The following MIA2 variants were observed in gnomAD, a reference collection of about 807,000 sequenced individuals.
MIA2 encodes melanoma inhibitory activity protein 2.
In MIA2, 127 loss-of-function variants were observed where a neutral mutation model predicts 167.8. The observed-to-expected ratio is 0.76, with a 90% confidence interval of 0.66 to 0.88. MIA2 has a LOEUF of 0.88. Ranked by LOEUF, MIA2 falls within the 40% of genes least tolerant of loss-of-function variation. MIA2 has a pLI of 0.00. For synonymous variants in MIA2, 552 were observed against 541.9 expected (o/e 1.02, Z -0.26); for missense variants, 1,690 against 1,624.7 (o/e 1.04, Z -0.69).
chr14:39,247,780 T>G lies in MIA2; in HGVS notation c.1206T>G (p.Asn402Lys). 1 of 1,613,354 alleles carries G rather than the reference T, an allele frequency of 6.2e-7. No homozygotes were observed. Residue 402 changes from asparagine (N) to lysine (K), a missense_variant, in exon 4 of 29, where the codon AAT (asparagine) becomes AAG (lysine). Asn to Lys is a moderately conservative substitution (Grantham distance 94, BLOSUM62 0). Coordinates refer to ENST00000640607, the MANE Select transcript of MIA2 (RefSeq NM_001329214.4). ...EDKIMLDDRK[N>K]EEDGGADEHE... ...AAATTATGTTAGATGACAGGAAAAA[T>G]GAAGAAGATGGTGGGGCAGATGAAC...
chr14:39,343,878 T>TTGA (rs1263755666), intron 25 of MIA2, among the ~76,000 whole-genome samples: 1 of 152,200 alleles, frequency 6.6e-6, no homozygotes, highest in East Asian at 1.9e-4. Flanking sequence ...CAGAATACCC[T>TTGA]TGATTACTTG....
intron 25 of MIA2, among the ~76,000 whole-genome samples, chr14:39,331,875 G>GT (rs2068965277): frequency 6.6e-6 from 1 of 152,134 alleles, no homozygotes; most frequent in African/African-American, 2.4e-5. Flanking sequence ...CTCTCTGGCT[G>GT]CCCTTAACGT....
intron 9 of MIA2, among the ~76,000 whole-genome samples, chr14:39,281,977 A>T (rs2059017189): frequency 6.6e-6 from 1 of 152,100 alleles, no homozygotes; most frequent in South Asian, 2.1e-4. Context: ...TTTTCAGAAT[A>T]TATGCTGCCG....
chr14:39,312,898 TG>T (rs1268944511), intron 18 of MIA2, among the ~76,000 whole-genome samples: 1 of 152,008 alleles, frequency 6.6e-6, no homozygotes, highest in Non-Finnish European at 1.5e-5. Context: ...TGTGTGTGTG[TG>T]TGTGTGTGCG....
chr14:39,266,468 G>A, intron 6 of MIA2: 2 of 985,460 alleles, frequency 2.0e-6, no homozygotes, highest in Middle Eastern at 5.2e-4. Flanking sequence ...TAGCATTTGG[G>A]TAACTGGCCG....
chr14:39,258,155 CCTGGATAATAT>C (rs1275422385), intron 6 of MIA2, among the ~76,000 whole-genome samples: 2 of 152,180 alleles, frequency 1.3e-5, no homozygotes, highest in African/African-American at 4.8e-5. Flanking sequence ...GGGAAGTTCT[CCTGGATAATAT>C]CTGGAAGTGT....
intron 6 of MIA2, among the ~76,000 whole-genome samples, chr14:39,260,453 G>A (rs528223550): frequency 2.6e-5 from 4 of 152,264 alleles, no homozygotes; most frequent in African/African-American, 4.8e-5. Context: ...TTCTCTGATG[G>A]CCAGTGACGA....
intron 23 of MIA2, chr14:39,385,913 ATCT>A: frequency 1.2e-6 from 1 of 866,286 alleles, no homozygotes. Flanking sequence ...CCTCTACCCC[ATCT>A]TCTTCCTAAA....
At chr14:39,323,303 G>A (rs900993122) in intron 24 of MIA2, among the ~76,000 whole-genome samples, 1 of 151,990 alleles carries the variant, frequency 6.6e-6, no homozygotes, top group African/African-American at 2.4e-5. Flanking sequence ...TGTTGATTTT[G>A]AACTGGAAGC....
Position 39,238,811 on chromosome 14 carries a change from A to AAAAAAAAAAAAAAAAAAC in MIA2, c.250-1750_250-1749insAAAAAAAAAAAAAAAAAC. 2.8e-3 allele frequency among the ~76,000 whole-genome samples: 290 copies of AAAAAAAAAAAAAAAAAAC among 103,556 alleles called. 21 individuals are homozygous for AAAAAAAAAAAAAAAAAAC. The highest frequency in any genetic ancestry group is 9.5e-3 in the African/African-American group (242 of 25,500). The allele number at this position is 103,556 out of a possible 152,430, so 67.9% of individuals were successfully genotyped here. On this transcript the variant is annotated intron_variant, in intron 2 of 28. Coordinates refer to ENST00000640607, the MANE Select transcript of MIA2 (RefSeq NM_001329214.4). ...CCTGTCTCAAAAAAAAAAAAAAAAA[A>AAAAAAAAAAAAAAAAAAC]CCCAAAAAACAAAAAAACCTAGCTG...
At chr14:39,267,347 G>C in intron 6 of MIA2, 1 of 1,571,032 alleles carries the variant, frequency 6.4e-7, no homozygotes, top group Non-Finnish European at 8.6e-7. Flanking sequence ...GGTCCACTCC[G>C]GTTGCCGGGT....
chr14:39,266,310 C>T (rs1017781122), intron 6 of MIA2: 1 of 985,240 alleles, frequency 1.0e-6, no homozygotes, highest in Non-Finnish European at 1.2e-6. Context: ...AAAACCGTCT[C>T]CTACGAACAA....
chr14:39,290,962 G>T lies in MIA2; in HGVS notation c.2131-57G>T, dbSNP rs564064510. On this transcript the variant is annotated intron_variant, in intron 9 of 28. Coordinates refer to ENST00000640607, the MANE Select transcript of MIA2 (RefSeq NM_001329214.4). Reference sequence around the variant, plus strand: ...TGTCTGCTTCTTAGGCATCTATCCAGATAAGATTTAGAATACAATTGGTAG... The same window carrying T: ...TGTCTGCTTCTTAGGCATCTATCCATATAAGATTTAGAATACAATTGGTAG... 21 of 1,438,184 alleles carry T rather than the reference G, an allele frequency of 1.5e-5. No homozygotes were observed. The African/African-American group carries it at 2.7e-4, about 19-fold the overall frequency. 89.1% of individuals were successfully genotyped at this position (1,438,184 alleles called of 1,614,324 possible). A position where few individuals can be genotyped will look rare whatever the true frequency, so the allele number is the denominator to read the frequency against.
At chr14:39,378,314 C>A (rs537202063) in intron 23 of MIA2, among the ~76,000 whole-genome samples, 2 of 152,180 alleles carry the variant, frequency 1.3e-5, no homozygotes, top group African/African-American at 2.4e-5. Flanking sequence ...ACTAGTTCAT[C>A]CCATGCAGTT....
intron 19 of MIA2, among the ~76,000 whole-genome samples, chr14:39,314,199 A>G (rs1480662107): frequency 6.6e-6 from 1 of 152,158 alleles, no homozygotes; most frequent in African/African-American, 2.4e-5. Flanking sequence ...CAGCCTGGTC[A>G]ACATGATGAA....
At chr14:39,333,438 TAG>T (rs2069415153) in intron 25 of MIA2, among the ~76,000 whole-genome samples, 1 of 152,194 alleles carries the variant, frequency 6.6e-6, no homozygotes, top group Non-Finnish European at 1.5e-5. Flanking sequence ...GAGTCAGCCA[TAG>T]ACTTGGGCAG....
chr14:39,331,631 A>T (rs1404375735), intron 25 of MIA2, among the ~76,000 whole-genome samples: 4 of 152,126 alleles, frequency 2.6e-5, no homozygotes, highest in Admixed American at 2.6e-4. Flanking sequence ...TTCCTTCAGG[A>T]GCCCTTGTAA....
At chr14:39,347,938 G>C (rs549349533) in intron 27 of MIA2, among the ~76,000 whole-genome samples, 167 bp downstream of exon 27, 2 of 150,124 alleles carry the variant, frequency 1.3e-5, no homozygotes, top group African/African-American at 2.5e-5. Context: ...TCAGCCTCCT[G>C]AGTAGCTGGG....
chr14:39,323,185 CCT>C (rs1335603208), intron 24 of MIA2, among the ~76,000 whole-genome samples: 1 of 152,110 alleles, frequency 6.6e-6, no homozygotes, highest in Non-Finnish European at 1.5e-5. Context: ...CTGTTTGTAT[CCT>C]CTTTCTCCAC....
Sources: gnomAD v4.1 joint callset for allele counts (sites outside exome capture counted in the v4.1 genomes callset) on GRCh38, gnomAD v4.1.1 for gene constraint, MANE v1.5 for transcripts, NCBI Gene and HGNC (gene_info 2026-07-23, HGNC 2026-07-21) for gene names.